Variants in CACNA1D observed in about 807,000 individuals in gnomAD.
The protein encoded by CACNA1D is calcium voltage-gated channel subunit alpha1 D, also known as voltage-dependent L-type calcium channel subunit alpha-1D.
Under a neutral mutation model 257.1 loss-of-function variants are expected in CACNA1D, and 55 were observed. The ratio of observed to expected loss-of-function variants is 0.21; its 90% CI spans 0.17 to 0.27. CACNA1D has a LOEUF of 0.27. CACNA1D is among the 10% of genes least tolerant of loss of function. The probability of loss-of-function intolerance (pLI) is 1.00; values close to 1 mark genes in which losing one functional copy is unlikely to be tolerated. For missense variants in CACNA1D, 1,876 were observed against 2,784.0 expected (o/e 0.67, Z 7.34); for synonymous variants, 980 against 1,014.9 (o/e 0.97, Z 0.65).
Position 53,800,681 on chromosome 3 carries a change from C to T in CACNA1D, c.5040+316C>T. On this transcript the variant is annotated intron_variant, in intron 41 of 47. Coordinates refer to ENST00000350061, the MANE Select transcript of CACNA1D (RefSeq NM_001128840.3). The surrounding 1 kb of genome is among the most constrained non-coding windows in gnomAD (Gnocchi z 4.3). ...TCCGGCAGCTGCCTTTGCTACCCTCCTCCTTCCCGGGCCAGCTCTTTGATC... is the reference window on the plus strand; with the variant it reads ...TCCGGCAGCTGCCTTTGCTACCCTCTTCCTTCCCGGGCCAGCTCTTTGATC... The T allele has an allele frequency of 2.0e-6, 1 of 496,118 alleles. No individual in the cohort carries two copies. The highest frequency in any genetic ancestry group is 3.7e-6 in the Non-Finnish European group (1 of 271,968). The allele number at this position is 496,118 out of a possible 1,614,324, so 30.7% of individuals were successfully genotyped here.
intron 3 of CACNA1D, among the ~76,000 whole-genome samples, chr3:53,622,040 T>C (rs2093702320): frequency 6.6e-6 from 1 of 151,838 alleles, no homozygotes. Flanking sequence ...ACACTTTGGG[T>C]AAACTTTTTT....
chr3:53,796,448 G>T (rs1461726951), intron 40 of CACNA1D: 1 of 453,874 alleles, frequency 2.2e-6, no homozygotes, highest in Non-Finnish European at 4.4e-6. Context: ...TTGCTGTGGC[G>T]CTGTGAGGGC....
rs1046464845 is a variant in CACNA1D at position 53,723,993 on chromosome 3, G to A, written c.2094G>A (p.Val698=). ...ATTTCCCTCAAGCACTTCTCACAGT[G>A]TTCCAGGTGAGTCCTCCCTCCATTC... ...FDNFPQALLT[V]FQILTGEDWN... Residue 698 remains valine (V), a synonymous_variant, in exon 14 of 48, where the codon GTG becomes GTA. Transcript: ENST00000350061. The surrounding 1 kb of genome is among the most constrained non-coding windows in gnomAD (Gnocchi z 5.6). 1 of 1,613,644 alleles carries A rather than the reference G, an allele frequency of 6.2e-7. No homozygotes were observed. Among genetic ancestry groups the A allele is most frequent in the African/African-American group, 1.3e-5 (1 of 74,912 alleles).
chr3:53,519,816 C>T (rs1244320202), intron 3 of CACNA1D, among the ~76,000 whole-genome samples: 1 of 152,190 alleles, frequency 6.6e-6, no homozygotes, highest in African/African-American at 2.4e-5. Flanking sequence ...TTCTATTCCC[C>T]CTCCCTAGCC....
intron 40 of CACNA1D, among the ~76,000 whole-genome samples, chr3:53,790,705 CCT>C (rs1490696339): frequency 2.6e-5 from 4 of 152,156 alleles, no homozygotes; most frequent in Admixed American, 6.5e-5. Flanking sequence ...ACTCTCAGCC[CCT>C]GATGTGCCCC....
chr3:53,537,149 C>G (rs578250507), intron 3 of CACNA1D, among the ~76,000 whole-genome samples: 1 of 152,220 alleles, frequency 6.6e-6, no homozygotes, highest in Admixed American at 6.5e-5. Context: ...ATTCCTTTAC[C>G]CAGTGTTAAC....
chr3:53,563,771 C>CT (rs2092784096), intron 3 of CACNA1D, among the ~76,000 whole-genome samples: 1 of 152,112 alleles, frequency 6.6e-6, no homozygotes, highest in Non-Finnish European at 1.5e-5. Flanking sequence ...TCTATCTATA[C>CT]TTTGACTGTT....
At position 53,774,645 on chromosome 3, in the gene CACNA1D, A is replaced by G. The variant is rs1245897871; in HGVS notation, c.4169A>G (p.Gln1390Arg). 2.5e-6 allele frequency: 4 copies of G among 1,613,146 alleles called. No homozygotes were observed. Among genetic ancestry groups the G allele is most frequent in the Non-Finnish European group, 3.4e-6 (4 of 1,179,160 alleles). The change falls in exon 34 of 48, where the codon CAG becomes CGG. Residue 1390 changes from glutamine (Q) to arginine (R), a missense_variant. This residue lies in a region of CACNA1D where 204 missense variants were observed against 309.4 expected (regional missense o/e 0.66). Transcript: ENST00000350061. The surrounding 1 kb of genome is among the most constrained non-coding windows in gnomAD (Gnocchi z 4.3). The part of the protein sequence containing the change: ...NNQINRNNNF[Q>R]TFPQAVLLLF... Reference sequence around the variant, plus strand: ...CAGATCAATAGGAACAATAACTTCCAGACGTTTCCCCAGGCGGTGCTGCTG... The same window carrying G: ...CAGATCAATAGGAACAATAACTTCCGGACGTTTCCCCAGGCGGTGCTGCTG...
At chr3:53,543,190 C>T (rs1236740901) in intron 3 of CACNA1D, among the ~76,000 whole-genome samples, 1 of 147,418 alleles carries the variant, frequency 6.8e-6, no homozygotes, top group Non-Finnish European at 1.5e-5. Flanking sequence ...AGGACAAAAA[C>T]CAAAACAAAC....
chr3:53,611,671 A>G (rs1402620957), intron 3 of CACNA1D, among the ~76,000 whole-genome samples: 1 of 152,206 alleles, frequency 6.6e-6, no homozygotes, highest in Admixed American at 6.5e-5. Flanking sequence ...TTCATAAGTC[A>G]TTGAGTTTCT....
intron 3 of CACNA1D, among the ~76,000 whole-genome samples, chr3:53,537,355 C>T (rs950551557): frequency 2.0e-5 from 3 of 152,126 alleles, no homozygotes; most frequent in Non-Finnish European, 2.9e-5. Context: ...CATAACTCTT[C>T]GTCTTATAGC....
Position 53,497,169 on chromosome 3 carries a change from G to A in CACNA1D, c.85G>A (p.Gly29Ser), listed in dbSNP as rs2107068908. 6.2e-7 allele frequency: 1 copy of A among 1,613,914 alleles called. No individual in the cohort carries two copies. The highest frequency in any genetic ancestry group is 8.5e-7 in the Non-Finnish European group (1 of 1,179,922). Residue 29 changes from glycine to serine, a missense_variant, in exon 2 of 48, where the codon GGC becomes AGC. Coordinates refer to ENST00000350061, the MANE Select transcript of CACNA1D (RefSeq NM_001128840.3). ...CTCCCCAGAGGCAAACTATGCAAGA[G>A]GCACCAGACTTCCTCTTTCTGGTGA... ...DHANEANYAR[G>S]TRLPLSGEGP... is the part of the protein sequence containing the mutation.
chr3:53,718,324 G>A lies in CACNA1D; in HGVS notation c.1414G>A (p.Glu472Lys). ...RNTSMPTSET[E>K]SVNTENVSGE... The stretch of plus-strand genomic sequence containing the variant: ...AGCTAGCATGCCCACCAGCGAGACT[G>A]AGTCTGTGAACACAGAGAACGTCAG... The change falls in exon 10 of 48, where the codon GAG becomes AAG. Residue 472 changes from glutamate to lysine, a missense_variant. Glu to Lys is a moderately conservative substitution (Grantham distance 56). Transcript: ENST00000350061. 6.2e-7 allele frequency: 1 copy of A among 1,614,178 alleles called. No individual in the cohort carries two copies. The highest frequency in any genetic ancestry group is 2.2e-5 in the East Asian group (1 of 44,884).
At chr3:53,627,007 G>A (rs976768063) in intron 3 of CACNA1D, among the ~76,000 whole-genome samples, 1 of 152,200 alleles carries the variant, frequency 6.6e-6, no homozygotes, top group Non-Finnish European at 1.5e-5. Context: ...AGAGGGATAG[G>A]AGCAAGTACC....
chr3:53,763,391 C>T (rs776045253), intron 30 of CACNA1D, among the ~76,000 whole-genome samples: 21 of 152,230 alleles, frequency 1.4e-4, no homozygotes, highest in Admixed American at 2.0e-4. Flanking sequence ...GGGAGCCCCT[C>T]CTTCTGCCTG....
intron 8 of CACNA1D, among the ~76,000 whole-genome samples, chr3:53,693,469 T>A (rs1325803548): frequency 6.6e-6 from 1 of 152,026 alleles, no homozygotes; most frequent in Non-Finnish European, 1.5e-5. Flanking sequence ...TTATTTTTTT[T>A]TTTTTTTTTT....
At chr3:53,544,048 G>C (rs1015234154) in intron 3 of CACNA1D, among the ~76,000 whole-genome samples, 2 of 152,128 alleles carry the variant, frequency 1.3e-5, no homozygotes, top group Admixed American at 6.5e-5. Context: ...CAGCCCATCA[G>C]TGAAGGCCAT....
chr3:53,722,538 A>G, intron 12 of CACNA1D, 64 bp downstream of exon 12: 2 of 1,500,804 alleles, frequency 1.3e-6, no homozygotes, highest in Non-Finnish European at 1.9e-6. Flanking sequence ...TCCAACTGCC[A>G]TTTGGTCTTA....
In CACNA1D at chr3:53,577,503, A is replaced by T. The variant is rs192994140; in HGVS notation, c.484-73276A>T. ...TAGAAAAATTAGAGAAATCCCATGG[A>T]GGTATCTAAGTGCTTGGCATGGGGC... On this transcript the variant is annotated intron_variant, in intron 3 of 47. Transcript: ENST00000350061. 6.6e-5 allele frequency among the ~76,000 whole-genome samples: 10 copies of T among 152,272 alleles called. No homozygotes were observed. The East Asian group carries it at 1.9e-3, about 29-fold the overall frequency.
Sources: gnomAD v4.1 joint callset for allele counts (sites outside exome capture counted in the v4.1 genomes callset) on GRCh38, gnomAD v4.1.1 for gene constraint, gnomAD v4.1.1 regional missense constraint, Gnocchi (gnomAD v3.1) non-coding constraint, MANE v1.5 for transcripts, NCBI Gene and HGNC (gene_info 2026-07-23, HGNC 2026-07-21) for gene names.